The following NEK1 variants were observed in gnomAD, a reference collection of about 807,000 sequenced individuals.
NEK1 encodes the protein serine/threonine-protein kinase Nek1.
In NEK1, 137 loss-of-function variants were observed where a neutral mutation model predicts 182.1. The observed-to-expected ratio is 0.75, with a 90% CI of 0.65 to 0.87. The LOEUF is 0.87. NEK1 is among the 40% of genes least tolerant of loss of function. NEK1 has a pLI of 0.00. For missense variants in NEK1, 1,391 were observed against 1,494.4 expected (o/e 0.93, Z 1.14); for synonymous variants, 513 against 492.2 (o/e 1.04, Z -0.56).
At chr4:169,422,948 G>A (rs1185773317) in intron 31 of NEK1, among the ~76,000 whole-genome samples, 1 of 152,098 alleles carries the variant, frequency 6.6e-6, no homozygotes, top group Non-Finnish European at 1.5e-5. Context: ...TAACTCTGAA[G>A]ATCATAAATT....
chr4:169,558,704 T>C (rs1256039669), intron 16 of NEK1, among the ~76,000 whole-genome samples: 2 of 152,138 alleles, frequency 1.3e-5, no homozygotes, highest in African/African-American at 2.4e-5. Context: ...GAATATATAA[T>C]TTTTCTAAAA....
chr4:169,471,707 T>C (rs1292147026), intron 26 of NEK1, among the ~76,000 whole-genome samples: 1 of 152,182 alleles, frequency 6.6e-6, no homozygotes, highest in East Asian at 1.9e-4. Context: ...AGTTTAAGTC[T>C]GTTGAAGCTG....
chr4:169,479,563 T>C (rs1372564460), intron 23 of NEK1, 29 bp from the exon 24 acceptor site: 1 of 1,527,306 alleles, frequency 6.5e-7, no homozygotes, highest in Admixed American at 1.9e-5. Context: ...TTAAATACAT[T>C]AGGGATTTTA....
At chr4:169,405,453 G>C (rs1166373766) in intron 32 of NEK1, among the ~76,000 whole-genome samples, 1 of 152,150 alleles carries the variant, frequency 6.6e-6, no homozygotes, top group Non-Finnish European at 1.5e-5. Context: ...TATAAACACA[G>C]TATATGCTTA....
chr4:169,597,933 C>CA (rs907251814), intron 5 of NEK1, among the ~76,000 whole-genome samples: 5 of 150,224 alleles, frequency 3.3e-5, no homozygotes, highest in South Asian at 2.1e-4. Flanking sequence ...GACTCCGTCT[C>CA]AAAAAAAATA....
At chr4:169,519,741 T>C (rs1419119247) in intron 19 of NEK1, among the ~76,000 whole-genome samples, 2 of 78,428 alleles carry the variant, frequency 2.6e-5, no homozygotes, top group African/African-American at 4.5e-5. Context: ...GTCTATAAAG[T>C]ATTTTATTTC....
At chr4:169,467,364 T>C (rs2149514950) in intron 26 of NEK1, among the ~76,000 whole-genome samples, 1 of 152,212 alleles carries the variant, frequency 6.6e-6, no homozygotes, top group Admixed American at 6.5e-5. Flanking sequence ...TCTTATACCA[T>C]ATATGAAGTA....
At chr4:169,594,239 A>G (rs1769063240) in intron 5 of NEK1, among the ~76,000 whole-genome samples, 1 of 152,218 alleles carries the variant, frequency 6.6e-6, no homozygotes, top group Non-Finnish European at 1.5e-5. Context: ...AAACAGTACC[A>G]CAATTCATCT....
intron 23 of NEK1, among the ~76,000 whole-genome samples, chr4:169,487,285 C>T (rs747216844): frequency 5.9e-5 from 9 of 152,100 alleles, no homozygotes; most frequent in Non-Finnish European, 1.2e-4. Flanking sequence ...GGCCAGCATC[C>T]GTTAGCTATT....
At chr4:169,398,495 A>C (rs1344376295) in intron 35 of NEK1, among the ~76,000 whole-genome samples, 1 of 152,164 alleles carries the variant, frequency 6.6e-6, no homozygotes, top group Non-Finnish European at 1.5e-5. Flanking sequence ...AGCAACTAAA[A>C]TGTTTTGTCT....
intron 3 of NEK1, 105 bp downstream of exon 3, chr4:169,602,409 T>C: frequency 2.8e-6 from 2 of 702,064 alleles, no homozygotes; most frequent in Admixed American, 3.0e-5. Context: ...AGTCTTTTGC[T>C]TTAGGTTATC....
At chr4:169,555,587 A>T in intron 18 of NEK1, 133 bp downstream of exon 18, 2 of 1,184,820 alleles carry the variant, frequency 1.7e-6, no homozygotes, top group Non-Finnish European at 2.5e-6. Flanking sequence ...TCAGAAAATT[A>T]TTGTACCCAA....
intron 29 of NEK1, among the ~76,000 whole-genome samples, chr4:169,428,689 T>C (rs1299085769): frequency 6.6e-6 from 1 of 152,130 alleles, no homozygotes; most frequent in African/African-American, 2.4e-5. Flanking sequence ...AATTGACTTG[T>C]ACAATTTTAA....
intron 2 of NEK1, among the ~76,000 whole-genome samples, chr4:169,610,310 CTTTCTT>C (rs1772106032): frequency 6.6e-6 from 1 of 150,848 alleles, no homozygotes; most frequent in South Asian, 2.1e-4. Context: ...CCCAGAATTT[CTTTCTT>C]TTTTTCTTTT....
intron 26 of NEK1, among the ~76,000 whole-genome samples, chr4:169,473,589 G>A (rs1294088865): frequency 6.6e-6 from 1 of 151,918 alleles, no homozygotes; most frequent in Non-Finnish European, 1.5e-5. Context: ...TCAATGATTT[G>A]AAAATAAGAG....
chr4:169,583,168 G>A (rs1224041275), intron 10 of NEK1, among the ~76,000 whole-genome samples: 1 of 151,980 alleles, frequency 6.6e-6, no homozygotes, highest in Non-Finnish European at 1.5e-5. Context: ...TCAGGAGGCT[G>A]AGGAGGGAGG....
At chr4:169,446,779 TAA>T (rs1365313639) in intron 27 of NEK1, among the ~76,000 whole-genome samples, 1 of 152,138 alleles carries the variant, frequency 6.6e-6, no homozygotes, top group East Asian at 1.9e-4. Context: ...GATGAATGCA[TAA>T]GAGTCCTTTA....
chr4:169,409,788 G>T (rs535589529), intron 31 of NEK1, among the ~76,000 whole-genome samples: 3 of 152,124 alleles, frequency 2.0e-5, no homozygotes, highest in Admixed American at 6.5e-5. Flanking sequence ...GAAAAGAAAA[G>T]AAAAAATTAC....
rs568348598 is a variant in NEK1 at position 169,426,760 on chromosome 4, AC to A, written c.2886-527del. 2.6e-3 allele frequency among the ~76,000 whole-genome samples: 398 copies of A among 152,294 alleles called. 2 individuals carry two copies. Among genetic ancestry groups the A allele is most frequent in the Admixed American group, 3.8e-3 (58 of 15,294 alleles). On this transcript the variant is annotated intron_variant, in intron 29 of 35. Coordinates refer to ENST00000507142, the MANE Select transcript of NEK1 (RefSeq NM_001199397.3). The stretch of plus-strand genomic sequence containing the variant: ...AAAAATGAAGCAGAGATCTATATAA[AC>A]TGATTAGAATAGGCAAGATATACTG...
Sources: gnomAD v4.1 joint callset for allele counts (sites outside exome capture counted in the v4.1 genomes callset) on GRCh38, gnomAD v4.1.1 for gene constraint, MANE v1.5 for transcripts, NCBI Gene and HGNC (gene_info 2026-07-23, HGNC 2026-07-21) for gene names.